Variants in MAGI2 observed in about 807,000 individuals in gnomAD.
The protein encoded by MAGI2 is membrane associated guanylate kinase, WW and PDZ domain containing 2, also known as membrane-associated guanylate kinase, WW and PDZ domain-containing protein 2.
A neutral mutation model predicts 133.3 loss-of-function variants in MAGI2; 35 were observed. That is an observed-to-expected ratio of 0.26 (90% CI 0.20 to 0.35). The LOEUF (loss-of-function observed/expected upper bound fraction) is 0.35. MAGI2 is among the 10% of genes least tolerant of loss of function. MAGI2 has a pLI of 1.00. For synonymous variants in MAGI2, 729 were observed against 710.6 expected (o/e 1.03, Z -0.41); for missense variants, 1,636 against 1,863.4 (o/e 0.88, Z 2.25).
intron 3 of MAGI2, among the ~76,000 whole-genome samples, chr7:78,538,064 C>T (rs1034138142): frequency 1.3e-5 from 2 of 152,160 alleles, no homozygotes; most frequent in Non-Finnish European, 2.9e-5. Flanking sequence ...AATTATCTCA[C>T]CACCATTTGT....
chr7:79,111,753 G>A (rs1265104586), intron 1 of MAGI2, among the ~76,000 whole-genome samples: 2 of 151,808 alleles, frequency 1.3e-5, no homozygotes, highest in Non-Finnish European at 2.9e-5. Context: ...TGCAAGCTCC[G>A]CCTCCCAGGT....
At chr7:78,225,749 C>A (rs572060818) in intron 10 of MAGI2, among the ~76,000 whole-genome samples, 71 of 152,284 alleles carry the variant, frequency 4.7e-4, no homozygotes, top group Middle Eastern at 3.4e-3. Context: ...TCTAAACAGT[C>A]CAGTCCAGAC....
At chr7:78,064,201 T>C (rs1395654659) in intron 21 of MAGI2, among the ~76,000 whole-genome samples, 1 of 152,220 alleles carries the variant, frequency 6.6e-6, no homozygotes, top group Non-Finnish European at 1.5e-5. Context: ...ACTTTCTCCT[T>C]TATGCCTTAA....
At chr7:78,247,208 C>A (rs112058620) in intron 10 of MAGI2, among the ~76,000 whole-genome samples, 1 of 152,062 alleles carries the variant, frequency 6.6e-6, no homozygotes, top group African/African-American at 2.4e-5. Context: ...AAAACTCTTG[C>A]CACCAAGAAC....
At chr7:78,121,165 G>A (rs1820436871) in intron 20 of MAGI2, among the ~76,000 whole-genome samples, 1 of 150,048 alleles carries the variant, frequency 6.7e-6, no homozygotes, top group Non-Finnish European at 1.5e-5. Context: ...GAAGATATAA[G>A]AGAAGACGTT....
intron 2 of MAGI2, among the ~76,000 whole-genome samples, chr7:78,680,024 G>A (rs2151092601): frequency 6.6e-6 from 1 of 152,130 alleles, no homozygotes; most frequent in Middle Eastern, 3.4e-3. Flanking sequence ...GTTGCATTGA[G>A]GTCTTCTTCA....
intron 2 of MAGI2, among the ~76,000 whole-genome samples, chr7:78,918,837 G>C (rs757635689): frequency 6.6e-6 from 1 of 151,900 alleles, no homozygotes; most frequent in Non-Finnish European, 1.5e-5. Context: ...ATATATATAC[G>C]ATGAAACTCA....
At chr7:78,242,929 A>G (rs1791309220) in intron 10 of MAGI2, among the ~76,000 whole-genome samples, 1 of 152,068 alleles carries the variant, frequency 6.6e-6, no homozygotes, top group Non-Finnish European at 1.5e-5. Context: ...AAAATTAGCC[A>G]GGCATGGTGC....
chr7:78,780,959 T>C (rs1369085250), intron 2 of MAGI2, among the ~76,000 whole-genome samples: 1 of 152,224 alleles, frequency 6.6e-6, no homozygotes, highest in East Asian at 1.9e-4. Flanking sequence ...AATGGAGTTG[T>C]CATTTGTGTA....
chr7:79,170,101 T>C (rs1205460184), intron 1 of MAGI2, among the ~76,000 whole-genome samples: 2 of 148,156 alleles, frequency 1.3e-5, no homozygotes, highest in Admixed American at 6.9e-5. Flanking sequence ...TATTCAAGAA[T>C]AATTAATTTT....
chr7:79,051,674 C>A (rs1238884536), intron 1 of MAGI2, among the ~76,000 whole-genome samples: 1 of 151,938 alleles, frequency 6.6e-6, no homozygotes, highest in African/African-American at 2.4e-5. Context: ...TTTGAAACAA[C>A]AAATATGTTT....
intron 3 of MAGI2, chr7:78,618,864 T>C (rs193136383): frequency 4.0e-5 from 6 of 151,386 alleles, no homozygotes; most frequent in Admixed American, 3.3e-4. Flanking sequence ...CCAGAAGCTG[T>C]AAAGGACGGA....
chr7:78,738,748 T>C (rs1046786878), intron 2 of MAGI2, among the ~76,000 whole-genome samples: 1 of 152,222 alleles, frequency 6.6e-6, no homozygotes, highest in Non-Finnish European at 1.5e-5. Flanking sequence ...TGTTGAAGAA[T>C]GTCTCATATG....
chr7:79,289,252 C>T (rs768582877), intron 1 of MAGI2, among the ~76,000 whole-genome samples: 2 of 152,128 alleles, frequency 1.3e-5, no homozygotes, highest in Non-Finnish European at 2.9e-5. Context: ...TTAAGCTCTG[C>T]TTTGTTCTTG....
intron 6 of MAGI2, among the ~76,000 whole-genome samples, chr7:78,436,276 C>T (rs1800280371): frequency 6.6e-6 from 1 of 151,988 alleles, no homozygotes; most frequent in Admixed American, 6.6e-5. Context: ...TTAAACAATT[C>T]CCGAGAAAGC....
chr7:79,222,258 T>A (rs867094447), intron 1 of MAGI2, among the ~76,000 whole-genome samples: 11 of 152,048 alleles, frequency 7.2e-5, no homozygotes, highest in African/African-American at 2.4e-4. Flanking sequence ...CTAAAAGATA[T>A]TTTGGTAGCC....
At chr7:79,028,755 CT>C (rs1270740493) in intron 1 of MAGI2, among the ~76,000 whole-genome samples, 1 of 152,066 alleles carries the variant, frequency 6.6e-6, no homozygotes, top group Non-Finnish European at 1.5e-5. Flanking sequence ...CTCGGTGCTA[CT>C]TTTAAAAGTC....
chr7:78,799,988 C>T (rs1787928679), intron 2 of MAGI2, among the ~76,000 whole-genome samples: 1 of 152,094 alleles, frequency 6.6e-6, no homozygotes, highest in African/African-American at 2.4e-5. Flanking sequence ...ATAGATCTTC[C>T]ATTACACAAA....
At chr7:79,292,648 G>A (rs1418836128) in intron 1 of MAGI2, among the ~76,000 whole-genome samples, 1 of 148,248 alleles carries the variant, frequency 6.7e-6, no homozygotes, top group Non-Finnish European at 1.5e-5. Context: ...AAAAATAAAA[G>A]AAAAAAAAAG....
Sources: allele counts gnomAD v4.1 joint callset (sites outside exome capture counted in the v4.1 genomes callset), GRCh38; gene constraint gnomAD v4.1.1; transcripts MANE v1.5; gene names NCBI Gene and HGNC (gene_info 2026-07-23, HGNC 2026-07-21).